Variants in RBFOX1 observed in about 807,000 individuals in gnomAD.
RBFOX1 encodes the protein RNA binding fox-1 homolog 1, also known as RNA binding protein fox-1 homolog 1.
In RBFOX1, 8 loss-of-function variants were observed where a neutral mutation model predicts 57.7. The ratio of observed to expected loss-of-function variants is 0.14; its 90% CI spans 0.08 to 0.25. The LOEUF (loss-of-function observed/expected upper bound fraction) is 0.25. Among genes scored for constraint, RBFOX1 ranks in the 10% least tolerant of loss-of-function variants. The pLI, the probability that RBFOX1 is intolerant of heterozygous loss-of-function variation, is 1.00. For missense variants in RBFOX1, 611 were observed against 548.5 expected (o/e 1.11, Z -1.14); for synonymous variants, 326 against 222.4 (o/e 1.47, Z -4.15).
At chr16:6,590,597 T>C (rs554450859) in intron 2 of RBFOX1, among the ~76,000 whole-genome samples, 2 of 152,302 alleles carry the variant, frequency 1.3e-5, no homozygotes, top group Non-Finnish European at 2.9e-5. Context: ...ACAAAGCAGT[T>C]CTCAGCTTAA....
chr16:7,217,464 C>T (rs2092297830), intron 4 of RBFOX1, among the ~76,000 whole-genome samples: 1 of 151,772 alleles, frequency 6.6e-6, no homozygotes. Flanking sequence ...GCGAAAGCAA[C>T]CAGTGAATAT....
intron 1 of RBFOX1, among the ~76,000 whole-genome samples, chr16:6,193,529 C>G (rs1475768647): frequency 1.3e-5 from 2 of 149,256 alleles, no homozygotes; most frequent in African/African-American, 4.9e-5. Context: ...TCACATAACC[C>G]TGGGAACCTC....
intron 4 of RBFOX1, among the ~76,000 whole-genome samples, chr16:7,428,647 A>G (rs1354729132): frequency 6.6e-6 from 1 of 151,754 alleles, no homozygotes; most frequent in Non-Finnish European, 1.5e-5. Flanking sequence ...CTGGGATTAC[A>G]GGTGTGAGTC....
At chr16:5,436,811 C>G (rs937259039) in intron 1 of RBFOX1, among the ~76,000 whole-genome samples, 1 of 151,646 alleles carries the variant, frequency 6.6e-6, no homozygotes, top group African/African-American at 2.4e-5. Context: ...GCACTCCAGC[C>G]TGGGTGACAG....
chr16:5,682,079 T>C (rs931399634), intron 3 of RBFOX1, among the ~76,000 whole-genome samples: 1 of 152,244 alleles, frequency 6.6e-6, no homozygotes, highest in Non-Finnish European at 1.5e-5. Context: ...CATTCACTTA[T>C]GTAGGACAGC....
At chr16:5,490,774 G>A (rs749820179) in intron 2 of RBFOX1, among the ~76,000 whole-genome samples, 3 of 152,182 alleles carry the variant, frequency 2.0e-5, no homozygotes, top group South Asian at 2.1e-4. Flanking sequence ...CCTGCAGGCC[G>A]TGGGCTAGAA....
chr16:5,315,936 A>G lies in RBFOX1; in HGVS notation c.219+75831A>G, dbSNP rs544589012. ...TCTTTGGAGAGTCACCTGGTAGCGC[A>G]TAAGACAGAACTTTTGACAGGTGCC... is the stretch of plus-strand genomic sequence containing the variant. On this transcript the variant is annotated intron_variant, in intron 1 of 2. Transcript: ENST00000585867. 8.5e-5 allele frequency among the ~76,000 whole-genome samples: 13 copies of G among 152,288 alleles called. 1 individual carries two copies. In the South Asian group the frequency reaches 2.7e-3, roughly 32 times the overall value.
At chr16:6,636,618 G>C (rs1311230635) in intron 2 of RBFOX1, among the ~76,000 whole-genome samples, 2 of 151,184 alleles carry the variant, frequency 1.3e-5, no homozygotes, top group Non-Finnish European at 2.9e-5. Flanking sequence ...TATTTTTTGT[G>C]TGCATGATCT....
chr16:6,755,009 C>A (rs1381900477), intron 3 of RBFOX1, among the ~76,000 whole-genome samples: 1 of 152,154 alleles, frequency 6.6e-6, no homozygotes, highest in Non-Finnish European at 1.5e-5. Context: ...CCAATTTCAT[C>A]CATGTCCCTA....
At chr16:7,514,562 T>C (rs2075931833) in intron 4 of RBFOX1, among the ~76,000 whole-genome samples, 1 of 152,044 alleles carries the variant, frequency 6.6e-6, no homozygotes, top group South Asian at 2.1e-4. Context: ...GCAGAGGGGA[T>C]GGGCAACTGA....
chr16:6,515,309 C>T (rs2096353497), intron 2 of RBFOX1, among the ~76,000 whole-genome samples: 1 of 152,230 alleles, frequency 6.6e-6, no homozygotes, highest in Non-Finnish European at 1.5e-5. Flanking sequence ...AGCTGCTAGG[C>T]TTGTCTTTGT....
At chr16:6,442,017 G>A (rs1338817608) in intron 2 of RBFOX1, among the ~76,000 whole-genome samples, 1 of 152,158 alleles carries the variant, frequency 6.6e-6, no homozygotes, top group Non-Finnish European at 1.5e-5. Flanking sequence ...ATTGCTCTGA[G>A]GAATTCATAG....
At chr16:5,436,609 G>A (rs1038815223) in intron 1 of RBFOX1, among the ~76,000 whole-genome samples, 5 of 152,146 alleles carry the variant, frequency 3.3e-5, no homozygotes, top group African/African-American at 1.2e-4. Context: ...GGGAGGCTGA[G>A]GGTGGGTCAC....
intron 3 of RBFOX1, among the ~76,000 whole-genome samples, chr16:5,738,477 CA>C (rs1402050470): frequency 6.6e-6 from 1 of 151,232 alleles, no homozygotes; most frequent in African/African-American, 2.4e-5. Flanking sequence ...GCTAAAAATA[CA>C]AAAAAATTAG....
At chr16:6,192,203 C>G (rs1490162200) in intron 1 of RBFOX1, among the ~76,000 whole-genome samples, 1 of 151,852 alleles carries the variant, frequency 6.6e-6, no homozygotes, top group African/African-American at 2.4e-5. Context: ...CGAGATCTCC[C>G]CAGCACACCC....
At chr16:7,348,872 G>A (rs1412308537) in intron 4 of RBFOX1, among the ~76,000 whole-genome samples, 1 of 152,092 alleles carries the variant, frequency 6.6e-6, no homozygotes, top group Admixed American at 6.5e-5. Context: ...AACCCAGGAG[G>A]CGGAGGTTTC....
At chr16:7,137,346 G>C (rs936322183) in intron 4 of RBFOX1, among the ~76,000 whole-genome samples, 1 of 152,176 alleles carries the variant, frequency 6.6e-6, no homozygotes, top group Non-Finnish European at 1.5e-5. Context: ...CATGTTGTGG[G>C]AGGGAACTGG....
intron 3 of RBFOX1, among the ~76,000 whole-genome samples, chr16:6,698,468 G>T (rs2061366614): frequency 6.6e-6 from 1 of 152,128 alleles, no homozygotes; most frequent in Non-Finnish European, 1.5e-5. Context: ...AATCAATCCT[G>T]TCATTATCTC....
At chr16:6,051,084 T>C (rs1170111077) in intron 1 of RBFOX1, among the ~76,000 whole-genome samples, 2 of 150,466 alleles carry the variant, frequency 1.3e-5, no homozygotes. Context: ...TCTGTTAGGT[T>C]GGTACAAAAG....
Sources: gnomAD v4.1 joint callset for allele counts (sites outside exome capture counted in the v4.1 genomes callset) on GRCh38, gnomAD v4.1.1 for gene constraint, MANE v1.5 for transcripts, NCBI Gene and HGNC (gene_info 2026-07-23, HGNC 2026-07-21) for gene names.